The following DSP variants were observed in gnomAD, a reference collection of about 807,000 sequenced individuals.
DSP encodes the protein 250/210 kDa paraneoplastic pemphigus antigen.
Under a neutral mutation model 290.6 loss-of-function variants are expected in DSP, and 114 were observed. That is an observed-to-expected ratio of 0.39 (90% CI 0.34 to 0.46). The LOEUF (loss-of-function observed/expected upper bound fraction) is 0.46, where lower values mean the gene tolerates loss of function less well. Ranked by LOEUF, DSP falls within the 20% of genes least tolerant of loss-of-function variation. DSP has a pLI of 0.99. For synonymous variants in DSP, 1,311 were observed against 1,316.4 expected (o/e 1.00, Z 0.09); for missense variants, 3,230 against 3,495.8 (o/e 0.92, Z 1.92).
At position 7,562,685 on chromosome 6, in the gene DSP, C is replaced by G; in HGVS notation, c.631C>G (p.Leu211Val). 2 of 1,614,074 alleles carry G rather than the reference C, an allele frequency of 1.2e-6. No individual in the cohort carries two copies. The highest frequency in any genetic ancestry group is 1.7e-6 in the Non-Finnish European group (2 of 1,180,016). Residue 211 changes from leucine to valine, a missense_variant, in exon 5 of 24, where the codon CTG becomes GTG. Coordinates refer to ENST00000379802, the MANE Select transcript of DSP (RefSeq NM_004415.4). Reference protein sequence around the residue: ...EMDMVAWGVDLASVEQHINSH... With the variant: ...EMDMVAWGVDVASVEQHINSH... ...GGACATGGTGGCCTGGGGTGTGGAC[C>G]TGGCCTCAGTGGAGCAGCACATTAA...
At position 7,577,871 on chromosome 6, in the gene DSP, G is replaced by C. The variant is rs772429495; in HGVS notation, c.2970G>C (p.Gly990=). 6.2e-7 allele frequency: 1 copy of C among 1,613,914 alleles called. No individual in the cohort carries two copies. ...IKRTMIQSPS[G]VILQEAADVH... Reference sequence around the variant, plus strand: ...GGACCATGATTCAGTCCCCTTCTGGGGTGATTCTGCAAGAGGTATATATGT... The same window carrying C: ...GGACCATGATTCAGTCCCCTTCTGGCGTGATTCTGCAAGAGGTATATATGT... The change falls in exon 21 of 24, where the codon GGG becomes GGC. Residue 990 remains glycine, a synonymous_variant. Transcript: ENST00000379802.
intron 1 of DSP, 135 bp downstream of exon 1, chr6:7,542,220 G>T (rs1758011755): frequency 2.5e-6 from 3 of 1,223,652 alleles, no homozygotes; most frequent in Non-Finnish European, 3.4e-6. Context: ...AGAACTTCCC[G>T]GCCGCGCTGG....
At chr6:7,551,257 T>A (rs562748249) in intron 1 of DSP, among the ~76,000 whole-genome samples, 3 of 151,982 alleles carry the variant, frequency 2.0e-5, no homozygotes, top group Non-Finnish European at 4.4e-5. Flanking sequence ...TAAAAAAAAA[T>A]CTAAAATTGT....
Position 7,577,011 on chromosome 6 carries a change from A to C in DSP, c.2846A>C (p.Lys949Thr). ...GKRDKSEEVQ[K>T]IAELCANSIK... ...CGAGACAAATCAGAGGAAGTACAAAAAATTGCTGAACTTTGCGCCAATTCA... is the reference window on the plus strand; with the variant it reads ...CGAGACAAATCAGAGGAAGTACAAACAATTGCTGAACTTTGCGCCAATTCA... Residue 949 changes from lysine to threonine, a missense_variant, in exon 20 of 24, where the codon AAA (lysine) becomes ACA (threonine). Transcript: ENST00000379802. 3.1e-6 allele frequency: 5 copies of C among 1,612,920 alleles called. No individual in the cohort carries two copies. Among genetic ancestry groups the C allele is most frequent in the Non-Finnish European group, 2.5e-6 (3 of 1,179,532 alleles).
At chr6:7,569,504 A>C (rs1224327445) in intron 12 of DSP, among the ~76,000 whole-genome samples, 164 bp downstream of exon 12, 1 of 152,222 alleles carries the variant, frequency 6.6e-6, no homozygotes, top group Non-Finnish European at 1.5e-5. Context: ...TTGTCTTGCA[A>C]TTTTATGTTG....
In DSP at chr6:7,545,351, C is replaced by T. The variant is rs1758143016; in HGVS notation, c.170+3266C>T. Among the ~76,000 whole-genome samples, 3 of 152,160 alleles carry T rather than the reference C, an allele frequency of 2.0e-5. No individual in the cohort carries two copies. The South Asian group carries it at 6.2e-4, about 32-fold the overall frequency. On this transcript the variant is annotated intron_variant, in intron 1 of 23. Transcript: ENST00000379802. ...GGATCACTTAGCCTAGGCAGAAACCCCACACGCACACTTCAGAGACAGGAA... is the reference window on the plus strand; with the variant it reads ...GGATCACTTAGCCTAGGCAGAAACCTCACACGCACACTTCAGAGACAGGAA...
Position 7,542,063 on chromosome 6 carries a change from G to C in DSP, c.148G>C (p.Asp50His), listed in dbSNP as rs1333529244. 3 of 1,567,814 alleles carry C rather than the reference G, an allele frequency of 1.9e-6. No homozygotes were observed. Among genetic ancestry groups the C allele is most frequent in the Non-Finnish European group, 1.7e-6 (2 of 1,156,748 alleles). ...CTATTCTCGGCGCGGCGTGATCACCGACCAGAACTCGGACGGCTACTGGTG... is the reference window on the plus strand; with the variant it reads ...CTATTCTCGGCGCGGCGTGATCACCCACCAGAACTCGGACGGCTACTGGTG... ...MYYSRRGVIT[D>H]QNSDGYCQTG... The change falls in exon 1 of 24, where the codon GAC becomes CAC. Residue 50 changes from aspartate to histidine, a missense_variant. Physicochemically the swap from Asp to His is moderately conservative, Grantham distance 81. Around this residue, in one of 5 missense-constraint regions of DSP, gnomAD observed 646 missense variants for 684.3 expected, o/e 0.94. Coordinates refer to ENST00000379802, the MANE Select transcript of DSP (RefSeq NM_004415.4).
chr6:7,581,510 CAGAG>C lies in DSP; in HGVS notation c.5327_5330del (p.Glu1776GlyfsTer4), dbSNP rs1394836623. The C allele has an allele frequency of 3.7e-6, 6 of 1,614,034 alleles. No individual in the cohort carries two copies. Among genetic ancestry groups the C allele is most frequent in the African/African-American group, 1.3e-5 (1 of 75,014 alleles). ...ACTGCAGGGGCTGATTAATGATTTA[CAGAG>C]AGAGAGGGAAAATTTGAGACAGGAA... On this transcript the variant is annotated frameshift_variant, in exon 23 of 24. Transcript: ENST00000379802. LOFTEE classifies it high-confidence loss of function.
At chr6:7,569,047 A>G in intron 11 of DSP, 139 bp from the exon 12 acceptor site, 1 of 1,121,112 alleles carries the variant, frequency 8.9e-7, no homozygotes, top group Non-Finnish European at 1.3e-6. Context: ...GGGTTGTATG[A>G]TGATCAGCTT....
chr6:7,544,189 C>G (rs147531238), intron 1 of DSP, among the ~76,000 whole-genome samples: 30 of 152,330 alleles, frequency 2.0e-4, no homozygotes, highest in Admixed American at 3.9e-4. Context: ...TCCTCTCGAG[C>G]CTGACCCAGC....
Position 7,571,409 on chromosome 6 carries a change from C to T in DSP, c.1728C>T (p.Tyr576=), listed in dbSNP as rs760696358. 2.5e-6 allele frequency: 4 copies of T among 1,614,052 alleles called. No individual in the cohort carries two copies. Among genetic ancestry groups the T allele is most frequent in the Non-Finnish European group, 2.5e-6 (3 of 1,180,056 alleles). ...TGAAAACAATGCGGCAGGAAGATTA[C>T]ATGAAGACGATAGCCGACCTTGAGT... ...AKLKTMRQED[Y]MKTIADLELH... The change falls in exon 14 of 24, where the codon TAC becomes TAT. Residue 576 remains tyrosine (Y), a synonymous_variant. Coordinates refer to ENST00000379802, the MANE Select transcript of DSP (RefSeq NM_004415.4).
chr6:7,567,635 C>A, intron 9 of DSP, 146 bp from the exon 10 acceptor site: 1 of 1,305,824 alleles, frequency 7.7e-7, no homozygotes, highest in Non-Finnish European at 1.1e-6. Flanking sequence ...CCCGCTGCCA[C>A]ATACCTAAAT....
chr6:7,568,381 TC>T, intron 10 of DSP, 55 bp from the exon 11 acceptor site: 1 of 1,592,308 alleles, frequency 6.3e-7, no homozygotes. Context: ...GTTGAAAATC[TC>T]CTCTAAAACT....
chr6:7,541,871 C>G lies in DSP; in HGVS notation c.-45C>G, dbSNP rs764279904. 1.3e-6 allele frequency: 2 copies of G among 1,578,670 alleles called. No individual in the cohort carries two copies. Among genetic ancestry groups the G allele is most frequent in the South Asian group, 2.3e-5 (2 of 86,710 alleles). Reference sequence around the variant, plus strand: ...CCGCTTTCTCCGCGCCGGCCCGCCTCGCTTATGCCTCGGCGCTGAGCCGCT... The same window carrying G: ...CCGCTTTCTCCGCGCCGGCCCGCCTGGCTTATGCCTCGGCGCTGAGCCGCT... On this transcript the variant is annotated 5_prime_UTR_variant, in exon 1 of 24. Coordinates refer to ENST00000379802, the MANE Select transcript of DSP (RefSeq NM_004415.4).
At chr6:7,572,939 C>T (rs909626849) in intron 15 of DSP, among the ~76,000 whole-genome samples, 1 of 152,060 alleles carries the variant, frequency 6.6e-6, no homozygotes, top group Non-Finnish European at 1.5e-5. Context: ...TATATCTAAA[C>T]GTCGAAAAGA....
At chr6:7,559,947 A>G (rs1758628725) in intron 4 of DSP, among the ~76,000 whole-genome samples, 1 of 152,212 alleles carries the variant, frequency 6.6e-6, no homozygotes, top group Admixed American at 6.5e-5. Context: ...CCATCACGTC[A>G]CCAGTGTGGG....
rs1051045485 is a variant in DSP at position 7,565,002 on chromosome 6, G to A, written c.778-357G>A. Among the ~76,000 whole-genome samples, 7 of 152,154 alleles carry A rather than the reference G, an allele frequency of 4.6e-5. No individual in the cohort carries two copies. Among genetic ancestry groups the A allele is most frequent in the Non-Finnish European group, 7.4e-5 (5 of 68,018 alleles). ...CTACTAAAAATACAAAAATTAGCAG[G>A]ACGTGGTGGTGCATGTCTGTAATCC... On this transcript the variant is annotated intron_variant, in intron 6 of 23. Coordinates refer to ENST00000379802, the MANE Select transcript of DSP (RefSeq NM_004415.4). The surrounding 1 kb of genome is among the most constrained non-coding windows in gnomAD (Gnocchi z 4.2).
At chr6:7,571,341 G>C in intron 13 of DSP, 42 bp from the exon 14 acceptor site, 1 of 1,610,582 alleles carries the variant, frequency 6.2e-7, no homozygotes, top group Non-Finnish European at 8.5e-7. Context: ...GCATTGTGGG[G>C]CAGTCATAAA....
At chr6:7,548,213 G>A (rs958053647) in intron 1 of DSP, among the ~76,000 whole-genome samples, 3 of 151,942 alleles carry the variant, frequency 2.0e-5, no homozygotes, top group African/African-American at 2.4e-5. Flanking sequence ...GTTGCAGCGA[G>A]CTGAGATCAT....
Sources: gnomAD v4.1 joint callset for allele counts (sites outside exome capture counted in the v4.1 genomes callset) on GRCh38, gnomAD v4.1.1 for gene constraint, gnomAD v4.1.1 regional missense constraint, Gnocchi (gnomAD v3.1) non-coding constraint, MANE v1.5 for transcripts, NCBI Gene and HGNC (gene_info 2026-07-23, HGNC 2026-07-21) for gene names.